WDR77: variants seen among roughly 807,000 people sequenced by gnomAD.
WDR77 encodes the protein WD repeat domain 77, also known as methylosome protein WDR77.
Under a neutral mutation model 44.0 loss-of-function variants are expected in WDR77, and 31 were observed. That is an observed-to-expected ratio of 0.70 (90% CI 0.53 to 0.95). The LOEUF (loss-of-function observed/expected upper bound fraction) is 0.95. Ranked by LOEUF, WDR77 falls within the 40% of genes least tolerant of loss-of-function variation. The probability of loss-of-function intolerance (pLI) is 0.00; values close to 1 mark genes in which losing one functional copy is unlikely to be tolerated. For synonymous variants in WDR77, 186 were observed against 165.7 expected, an observed-to-expected ratio of 1.12 and a Z score of -0.94; for missense variants, 390 against 423.9, an observed-to-expected ratio of 0.92 and a Z score of 0.70.
At position 111,442,767 on chromosome 1, in the gene WDR77, G is replaced by T. The variant is rs775364901; in HGVS notation, c.692-6C>A. ...GACTGTCCCATTCTCATCACCTGTAGAAGAGAAGGAACATGTCATAGTGAT... is the reference window on the plus strand; with the variant it reads ...GACTGTCCCATTCTCATCACCTGTATAAGAGAAGGAACATGTCATAGTGAT... On this transcript the variant is annotated splice_region_variant and splice_polypyrimidine_tract_variant and intron_variant, in intron 7 of 9. Transcript: ENST00000235090. 2.6e-6 allele frequency: 4 copies of T among 1,556,110 alleles called. No individual in the cohort carries two copies. The South Asian group carries it at 4.9e-5, about 19-fold the overall frequency.
chr1:111,444,996 T>C (rs1016302777), intron 4 of WDR77, among the ~76,000 whole-genome samples: 1 of 152,252 alleles, frequency 6.6e-6, no homozygotes, highest in Non-Finnish European at 1.5e-5. Flanking sequence ...TAGACATTCA[T>C]GCAAACTAAG....
intron 6 of WDR77, chr1:111,443,631 C>T (rs1652903955): frequency 1.0e-6 from 1 of 983,958 alleles, no homozygotes; most frequent in Non-Finnish European, 1.2e-6. Context: ...AATTCTGGCC[C>T]CTTTGTCCTA....
Position 111,441,268 on chromosome 1 carries a change from G to T in WDR77, c.991C>A (p.Pro331Thr), listed in dbSNP as rs761164297. The part of the protein sequence containing the change: ...QVVHHVVPTE[P>T]LPAPGPASVT... ...CTTGCAGGTCCAGGGGCTGGGAGAG[G>T]TTCTGTGGGCACAACGTGGTGGACG... The change falls in exon 10 of 10, where the codon CCT becomes ACT. Residue 331 changes from proline (P) to threonine (T), a missense_variant. Coordinates refer to ENST00000235090, the MANE Select transcript of WDR77 (RefSeq NM_024102.4). The T allele has an allele frequency of 2.2e-5, 35 of 1,583,488 alleles. No individual in the cohort carries two copies. The highest frequency in any genetic ancestry group is 5.4e-5 in the African/African-American group (4 of 73,470).
intron 8 of WDR77, 186 bp from the exon 9 acceptor site, chr1:111,442,279 A>G: frequency 1.6e-6 from 1 of 633,732 alleles, no homozygotes; most frequent in Non-Finnish European, 2.8e-6. Context: ...AATGAAGCAA[A>G]GTTAGGGTTG....
In WDR77 at chr1:111,441,970, C is replaced by T. The variant is rs1025861761; in HGVS notation, c.869+55G>A. 38 of 1,507,170 alleles carry T rather than the reference C, an allele frequency of 2.5e-5. No individual in the cohort carries two copies. In the Admixed American group the frequency reaches 4.8e-4, roughly 19 times the overall value. 93.4% of individuals were successfully genotyped at this position (1,507,170 alleles called of 1,614,324 possible). ...CAGTTTTCTGAAGAGGAAAATGACTCGCCCACCCACTGCTCCCCTTCCCTG... is the reference window on the plus strand; with the variant it reads ...CAGTTTTCTGAAGAGGAAAATGACTTGCCCACCCACTGCTCCCCTTCCCTG... On this transcript the variant is annotated intron_variant, in intron 9 of 9. Coordinates refer to ENST00000235090, the MANE Select transcript of WDR77 (RefSeq NM_024102.4).
chr1:111,443,446 A>G, intron 6 of WDR77, 52 bp from the exon 7 acceptor site: 1 of 1,506,380 alleles, frequency 6.6e-7, no homozygotes, highest in Non-Finnish European at 9.0e-7. Flanking sequence ...CAGAAGAAGC[A>G]GTTTCTCAAA....
intron 4 of WDR77, chr1:111,446,852 T>A (rs962319207): frequency 5.8e-5 from 28 of 485,780 alleles, no homozygotes; most frequent in African/African-American, 4.6e-4. Flanking sequence ...AGTTACAGAT[T>A]AAACTCCTTG....
At chr1:111,445,231 C>T (rs951906659) in intron 4 of WDR77, among the ~76,000 whole-genome samples, 3 of 152,154 alleles carry the variant, frequency 2.0e-5, no homozygotes, top group Non-Finnish European at 4.4e-5. Flanking sequence ...GCTGTGGAAA[C>T]CTTTTCTACA....
At chr1:111,446,934 G>T in intron 4 of WDR77, 161 bp downstream of exon 4, 1 of 704,690 alleles carries the variant, frequency 1.4e-6, no homozygotes, top group East Asian at 2.6e-5. Flanking sequence ...AAAGAAACAA[G>T]GAAATTGAGA....
At chr1:111,444,322 G>GT (rs1652934302) in intron 4 of WDR77, among the ~76,000 whole-genome samples, 198 bp from the exon 5 acceptor site, 2 of 151,256 alleles carry the variant, frequency 1.3e-5, no homozygotes, top group East Asian at 1.9e-4. Flanking sequence ...AAAAAGCCTT[G>GT]TAAAAAAAAA....
In WDR77 at chr1:111,448,737, A is replaced by T; in HGVS notation, c.183T>A (p.Phe61Leu). 1 of 1,613,348 alleles carries T rather than the reference A, an allele frequency of 6.2e-7. No homozygotes were observed. Among genetic ancestry groups the T allele is most frequent in the Non-Finnish European group, 8.5e-7 (1 of 1,179,610 alleles). ...CGTTGGGGGCGGCACAGGGGTCCTT[A>T]AAAAGCCAGAGGGAGCCGGCCCAGC... ...GRCWAGSLWL[F>L]KDPCAAPNEG... Residue 61 changes from phenylalanine to leucine, a missense_variant, in exon 2 of 10, where the codon TTT becomes TTA. Physicochemically the swap from Phe to Leu is conservative, Grantham distance 22. Transcript: ENST00000235090.
chr1:111,445,075 G>T (rs2101745000), intron 4 of WDR77, among the ~76,000 whole-genome samples: 1 of 152,256 alleles, frequency 6.6e-6, no homozygotes, highest in African/African-American at 2.4e-5. Context: ...TAAATTATAT[G>T]CCAGAAATTA....
Position 111,448,775 on chromosome 1 carries a change from G to A in WDR77, c.145C>T (p.Leu49=), listed in dbSNP as rs1653168295. The A allele has an allele frequency of 2.5e-6, 4 of 1,599,128 alleles. No individual in the cohort carries two copies. Among genetic ancestry groups the A allele is most frequent in the Non-Finnish European group, 3.4e-6 (4 of 1,172,352 alleles). ...GAGCCGGCCCAGCAGCGCCCACTCA[G>A]GCTGGAGGCCCCGAGGAGAAGCGCC... ...DGALLLGASS[L]SGRCWAGSLW... is the part of the protein sequence containing the mutation. Residue 49 remains leucine (L), a synonymous_variant, in exon 2 of 10, where the codon CTG becomes TTG. Transcript: ENST00000235090.
chr1:111,444,425 A>G (rs1433833256), intron 4 of WDR77, among the ~76,000 whole-genome samples: 1 of 152,120 alleles, frequency 6.6e-6, no homozygotes, highest in Non-Finnish European at 1.5e-5. Context: ...TGAGGGCTAA[A>G]TAATTCTAGA....
intron 1 of WDR77, 99 bp downstream of exon 1, chr1:111,448,956 A>G (rs1209971753): frequency 2.0e-6 from 3 of 1,538,046 alleles, no homozygotes; most frequent in Non-Finnish European, 2.6e-6. Context: ...CAGGGTCAGG[A>G]TAACATGCAG....
At chr1:111,447,218 T>A in intron 3 of WDR77, 74 bp from the exon 4 acceptor site, 1 of 1,576,758 alleles carries the variant, frequency 6.3e-7, no homozygotes, top group African/African-American at 1.3e-5. Flanking sequence ...AAACAAGAAC[T>A]TCCTGTAATC....
At chr1:111,448,830 CGTGAAGG>C in intron 1 of WDR77, 26 bp from the exon 2 acceptor site, 1 of 1,556,560 alleles carries the variant, frequency 6.4e-7, no homozygotes, top group East Asian at 2.4e-5. Flanking sequence ...GCTGTCAGCG[CGTGAAGG>C]GTAGAAGGGT....
At chr1:111,448,503 C>G (rs1388347887) in intron 2 of WDR77, 116 bp downstream of exon 2, 5 of 1,232,624 alleles carry the variant, frequency 4.1e-6, no homozygotes, top group Non-Finnish European at 5.8e-6. Context: ...CACTCTCAGG[C>G]TCCTCCAAGC....
chr1:111,447,681 A>T, intron 2 of WDR77, 105 bp from the exon 3 acceptor site: 1 of 1,399,220 alleles, frequency 7.1e-7, no homozygotes, highest in Non-Finnish European at 1.0e-6. Context: ...AAAGTAAGTT[A>T]GTTATTCCTG....
Sources: gnomAD v4.1 joint callset for allele counts (sites outside exome capture counted in the v4.1 genomes callset) on GRCh38, gnomAD v4.1.1 for gene constraint, MANE v1.5 for transcripts, NCBI Gene and HGNC (gene_info 2026-07-23, HGNC 2026-07-21) for gene names.